Variants in MORC3 observed in about 807,000 individuals in gnomAD.
The protein encoded by MORC3 is MORC family CW-type zinc finger 3.
A neutral mutation model predicts 109.1 loss-of-function variants in MORC3; 31 were observed. The ratio of observed to expected loss-of-function variants is 0.28; its 90% CI spans 0.21 to 0.38. The LOEUF (loss-of-function observed/expected upper bound fraction) is 0.38, where lower values mean the gene tolerates loss of function less well. Ranked by LOEUF, MORC3 falls within the 10% of genes least tolerant of loss-of-function variation. MORC3 has a pLI of 1.00. For missense variants in MORC3, 867 were observed against 1,135.8 expected (o/e 0.76, Z 3.40); for synonymous variants, 395 against 380.7 (o/e 1.04, Z -0.44).
chr21:36,334,262 AC>A (rs1160359183), intron 2 of MORC3, among the ~76,000 whole-genome samples: 1 of 152,088 alleles, frequency 6.6e-6, no homozygotes, highest in Non-Finnish European at 1.5e-5. Flanking sequence ...AAAAACAGAT[AC>A]CTTGAATGAT....
At chr21:36,350,827 G>A (rs2085562442) in intron 9 of MORC3, among the ~76,000 whole-genome samples, 1 of 152,038 alleles carries the variant, frequency 6.6e-6, no homozygotes, top group Admixed American at 6.6e-5. Context: ...AGTGGCATCA[G>A]TCTTTTTATT....
In MORC3 at chr21:36,338,789, T is replaced by C. The variant is rs200315591; in HGVS notation, c.476T>C (p.Leu159Ser). The change falls in exon 5 of 17, where the codon TTA (leucine) becomes TCA (serine). Residue 159 changes from leucine to serine, a missense_variant. By Grantham distance (145) the Leu-to-Ser change is moderately radical (BLOSUM62 -2). Transcript: ENST00000400485. ...TATGATATACGACAGATGATTAATT[T>C]AGCAGAATCAAAAGCCAGCCTTGCT... is the stretch of plus-strand genomic sequence containing the variant. ...AFNKHRQMIN[L>S]AESKASLAAI... 4.3e-6 allele frequency: 7 copies of C among 1,613,624 alleles called. No homozygotes were observed. Among genetic ancestry groups the C allele is most frequent in the Non-Finnish European group, 5.9e-6 (7 of 1,179,602 alleles).
chr21:36,336,409 A>G (rs1040898040), intron 2 of MORC3, among the ~76,000 whole-genome samples: 12 of 146,830 alleles, frequency 8.2e-5, no homozygotes, highest in African/African-American at 2.8e-4. Context: ...TGCCTGGCGG[A>G]TTTTTGTATT....
intron 9 of MORC3, among the ~76,000 whole-genome samples, chr21:36,355,039 A>G (rs886705055): frequency 6.6e-6 from 1 of 152,104 alleles, no homozygotes; most frequent in Non-Finnish European, 1.5e-5. Context: ...TATTGTTTTG[A>G]GCTTGATTTC....
intron 1 of MORC3, among the ~76,000 whole-genome samples, chr21:36,332,291 C>T (rs997098655): frequency 3.3e-5 from 5 of 151,996 alleles, no homozygotes; most frequent in Admixed American, 1.3e-4. Flanking sequence ...AAAAAATTAG[C>T]CATGTGTGGT....
At chr21:36,359,251 C>T (rs977534021) in intron 10 of MORC3, among the ~76,000 whole-genome samples, 12 of 152,068 alleles carry the variant, frequency 7.9e-5, no homozygotes, top group Admixed American at 2.6e-4. Context: ...ACATAAGTCA[C>T]ATTGTTCAAA....
chr21:36,322,533 G>A (rs1460473161), intron 1 of MORC3, among the ~76,000 whole-genome samples: 2 of 151,962 alleles, frequency 1.3e-5, no homozygotes, highest in Non-Finnish European at 2.9e-5. Context: ...CACCACACCC[G>A]GCTAATTTTG....
At chr21:36,336,229 CTTTTTT>C (rs1169985490) in intron 2 of MORC3, among the ~76,000 whole-genome samples, 1 of 145,102 alleles carries the variant, frequency 6.9e-6, no homozygotes, top group Non-Finnish European at 1.5e-5. Context: ...CCATGGTCAG[CTTTTTT>C]GTTTTTGTTT....
At chr21:36,322,969 A>G (rs1193936170) in intron 1 of MORC3, among the ~76,000 whole-genome samples, 1 of 151,968 alleles carries the variant, frequency 6.6e-6, no homozygotes, top group Admixed American at 6.5e-5. Context: ...GTATGATTGC[A>G]TTTTCTTTCC....
In MORC3 at chr21:36,356,609, T is replaced by G. The variant is rs1376635786; in HGVS notation, c.1104-11T>G. 6.5e-7 allele frequency: 1 copy of G among 1,546,282 alleles called. No individual in the cohort carries two copies. Among genetic ancestry groups the G allele is most frequent in the Non-Finnish European group, 8.8e-7 (1 of 1,141,832 alleles). On this transcript the variant is annotated splice_polypyrimidine_tract_variant and intron_variant, in intron 9 of 16. Coordinates refer to ENST00000400485, the MANE Select transcript of MORC3 (RefSeq NM_015358.3). ...AGAATTTTTTCTTGATTTTATGATTTACTTTTTAAGACTTACAATAACAGC... is the reference window on the plus strand; with the variant it reads ...AGAATTTTTTCTTGATTTTATGATTGACTTTTTAAGACTTACAATAACAGC...
intron 1 of MORC3, among the ~76,000 whole-genome samples, chr21:36,324,154 C>T (rs2085222982): frequency 1.3e-5 from 2 of 152,282 alleles, no homozygotes; most frequent in Non-Finnish European, 1.5e-5. Flanking sequence ...GGATGACAGG[C>T]ATGAGGCACC....
At chr21:36,363,050 C>T (rs1270245345) in intron 13 of MORC3, among the ~76,000 whole-genome samples, 1 of 152,068 alleles carries the variant, frequency 6.6e-6, no homozygotes, top group Non-Finnish European at 1.5e-5. Context: ...TTAATACTTA[C>T]TGTGTTAAAG....
intron 1 of MORC3, among the ~76,000 whole-genome samples, chr21:36,320,849 C>T (rs2085185865): frequency 6.6e-6 from 1 of 152,230 alleles, no homozygotes; most frequent in South Asian, 2.1e-4. Context: ...CCCTAGATCG[C>T]TGAGCTCGAG....
At chr21:36,343,725 G>A (rs2085477452) in intron 6 of MORC3, among the ~76,000 whole-genome samples, 1 of 152,140 alleles carries the variant, frequency 6.6e-6, no homozygotes, top group African/African-American at 2.4e-5. Context: ...GGGATTACAG[G>A]AATGAGCCAC....
intron 2 of MORC3, 87 bp downstream of exon 2, chr21:36,333,805 CAG>C (rs1269896308): frequency 2.5e-5 from 26 of 1,051,552 alleles, no homozygotes; most frequent in Middle Eastern, 2.8e-4. Flanking sequence ...TTTTTTTAAA[CAG>C]AGTCTCTCTC....
intron 16 of MORC3, 28 bp downstream of exon 16, chr21:36,372,559 G>A (rs375823530): frequency 6.4e-7 from 1 of 1,551,526 alleles, no homozygotes; most frequent in Non-Finnish European, 8.6e-7. Flanking sequence ...GTTTTTGTGG[G>A]GCTGCAATTA....
chr21:36,350,137 C>T (rs1341088432), intron 9 of MORC3, among the ~76,000 whole-genome samples: 1 of 152,114 alleles, frequency 6.6e-6, no homozygotes, highest in Non-Finnish European at 1.5e-5. Context: ...AAAATCCTGT[C>T]TCTACCAAAA....
At chr21:36,374,084 A>G (rs2085901525) in intron 16 of MORC3, among the ~76,000 whole-genome samples, 1 of 151,628 alleles carries the variant, frequency 6.6e-6, no homozygotes, top group African/African-American at 2.4e-5. Context: ...CAGTCCTACA[A>G]TTATTATTAT....
At chr21:36,362,488 A>T (rs2085730845) in intron 13 of MORC3, among the ~76,000 whole-genome samples, 1 of 152,080 alleles carries the variant, frequency 6.6e-6, no homozygotes, top group Admixed American at 6.6e-5. Context: ...TGTTGCAGTG[A>T]GAAAGATTGG....
Sources: allele counts gnomAD v4.1 joint callset (sites outside exome capture counted in the v4.1 genomes callset), GRCh38; gene constraint gnomAD v4.1.1; transcripts MANE v1.5; gene names NCBI Gene and HGNC (gene_info 2026-07-23, HGNC 2026-07-21).